Variants in COG6 observed in about 807,000 individuals in gnomAD.
COG6 encodes the protein conserved oligomeric Golgi complex subunit 6.
A neutral mutation model predicts 88.8 loss-of-function variants in COG6; 74 were observed. The observed-to-expected ratio is 0.83, with a 90% confidence interval of 0.69 to 1.01. The LOEUF (loss-of-function observed/expected upper bound fraction) is 1.01, where lower values mean the gene tolerates loss of function less well. Among genes scored for constraint, COG6 ranks in the 50% least tolerant of loss-of-function variants. The pLI, the probability that COG6 is intolerant of heterozygous loss-of-function variation, is 0.00. For synonymous variants in COG6, 286 were observed against 278.7 expected (o/e 1.03, Z -0.26); for missense variants, 800 against 797.9 (o/e 1.00, Z -0.03).
At chr13:39,768,741 T>C (rs2138174044) in intron 18 of COG6, among the ~76,000 whole-genome samples, 1 of 151,942 alleles carries the variant, frequency 6.6e-6, no homozygotes, top group Non-Finnish European at 1.5e-5. Context: ...ATGATACTAT[T>C]ATATATCATA....
intron 18 of COG6, among the ~76,000 whole-genome samples, chr13:39,745,028 GGC>G (rs1270577474): frequency 6.6e-5 from 10 of 152,154 alleles, no homozygotes; most frequent in Non-Finnish European, 1.5e-4. Flanking sequence ...TGGGAAAACT[GGC>G]TAGCCAAATG....
At chr13:39,785,866 T>G (rs2138193098) in intron 18 of COG6, among the ~76,000 whole-genome samples, 1 of 151,878 alleles carries the variant, frequency 6.6e-6, no homozygotes, top group South Asian at 2.1e-4. Context: ...GGGTTAAGAG[T>G]ACTTGGAGGA....
intron 13 of COG6, among the ~76,000 whole-genome samples, chr13:39,707,014 G>C (rs2138050559): frequency 6.6e-6 from 1 of 151,872 alleles, no homozygotes; most frequent in East Asian, 1.9e-4. Flanking sequence ...AAATTTTTCT[G>C]TATACTTCAA....
chr13:39,704,912 A>C (rs917965623), intron 13 of COG6, among the ~76,000 whole-genome samples: 2 of 152,088 alleles, frequency 1.3e-5, no homozygotes, highest in Non-Finnish European at 2.9e-5. Context: ...AGTTATTTTT[A>C]CATTAGATTG....
At chr13:39,738,267 C>T (rs189552149) in intron 18 of COG6, among the ~76,000 whole-genome samples, 33 of 152,020 alleles carry the variant, frequency 2.2e-4, no homozygotes, top group African/African-American at 7.2e-4. Context: ...ATAAAACATA[C>T]GACAACAAAA....
intron 5 of COG6, among the ~76,000 whole-genome samples, chr13:39,678,742 T>C (rs1876122912): frequency 6.6e-6 from 1 of 152,088 alleles, no homozygotes; most frequent in Non-Finnish European, 1.5e-5. Flanking sequence ...GGTATCACTT[T>C]TACTGGCTTG....
chr13:39,702,323 C>A (rs749464026), intron 13 of COG6, among the ~76,000 whole-genome samples: 13 of 151,598 alleles, frequency 8.6e-5, no homozygotes, highest in African/African-American at 2.4e-4. Flanking sequence ...AGTATAACAC[C>A]GACATAAAAC....
intron 13 of COG6, among the ~76,000 whole-genome samples, chr13:39,700,136 G>A (rs747602761): frequency 6.6e-6 from 1 of 151,772 alleles, no homozygotes; most frequent in Non-Finnish European, 1.5e-5. Context: ...ATCTTAAATT[G>A]AGCAGGGTAT....
chr13:39,674,749 G>A (rs1875858035), intron 4 of COG6, among the ~76,000 whole-genome samples: 2 of 152,102 alleles, frequency 1.3e-5, no homozygotes, highest in African/African-American at 4.8e-5. Context: ...CTCCCACTTT[G>A]GTGGGACATC....
chr13:39,737,147 C>A (rs1275259400), intron 18 of COG6, among the ~76,000 whole-genome samples: 1 of 152,086 alleles, frequency 6.6e-6, no homozygotes, highest in East Asian at 1.9e-4. Flanking sequence ...TTGTTCTCTT[C>A]CCTTACTTTC....
At position 39,751,154 on chromosome 13, in the gene COG6, T is replaced by C. The variant is rs886050230; in HGVS notation, c.*61T>C. The stretch of plus-strand genomic sequence containing the variant: ...CCCTAAAACACTGAAGGTTATTTTT[T>C]ATTCTTTGAATTTTTACTCTATAAT... On this transcript the variant is annotated 3_prime_UTR_variant, in exon 19 of 19. Coordinates refer to ENST00000455146, the MANE Select transcript of COG6 (RefSeq NM_020751.3). 2 of 1,595,096 alleles carry C rather than the reference T, an allele frequency of 1.3e-6. No individual in the cohort carries two copies. Among genetic ancestry groups the C allele is most frequent in the Non-Finnish European group, 1.7e-6 (2 of 1,169,188 alleles).
rs574639295 is a variant in COG6 at position 39,690,004 on chromosome 13, AAG to A, written c.1074+182_1074+183del. Among the ~76,000 whole-genome samples, 12 of 152,128 alleles carry A rather than the reference AAG, an allele frequency of 7.9e-5. No homozygotes were observed. The East Asian group carries it at 2.1e-3, about 27-fold the overall frequency. ...ATAATTGCCAGTTTTCTCTCTGAGA[AAG>A]AAAATTGGAAATATTTGTAGTTTGC... On this transcript the variant is annotated intron_variant, in intron 11 of 18. Coordinates refer to ENST00000455146, the MANE Select transcript of COG6 (RefSeq NM_020751.3).
intron 10 of COG6, among the ~76,000 whole-genome samples, chr13:39,688,568 A>C (rs1443201968): frequency 6.6e-6 from 1 of 152,288 alleles, no homozygotes; most frequent in African/African-American, 2.4e-5. Context: ...CAAGCCATTC[A>C]TGAGAGATGC....
At chr13:39,688,095 C>T (rs1396544737) in intron 10 of COG6, among the ~76,000 whole-genome samples, 2 of 152,308 alleles carry the variant, frequency 1.3e-5, no homozygotes, top group Admixed American at 1.3e-4. Flanking sequence ...ATTTAGCATA[C>T]ATTTTCTCAA....
At chr13:39,718,343 A>T (rs1878650121) in intron 13 of COG6, among the ~76,000 whole-genome samples, 2 of 152,102 alleles carry the variant, frequency 1.3e-5, no homozygotes, top group Non-Finnish European at 1.5e-5. Flanking sequence ...ACCTGCCACT[A>T]AGATGTAGTC....
chr13:39,695,973 T>G (rs529757141), intron 12 of COG6, among the ~76,000 whole-genome samples: 61 of 152,120 alleles, frequency 4.0e-4, no homozygotes, highest in African/African-American at 1.4e-3. Flanking sequence ...AATTGTTTAT[T>G]TAATAATGTC....
intron 18 of COG6, among the ~76,000 whole-genome samples, chr13:39,770,103 G>T (rs534625745): frequency 6.6e-6 from 1 of 152,278 alleles, no homozygotes; most frequent in Admixed American, 6.5e-5. Flanking sequence ...AATCAATATC[G>T]GGAAGTGAAA....
chr13:39,677,636 GA>G, intron 5 of COG6, 57 bp downstream of exon 5: 2 of 1,026,506 alleles, frequency 1.9e-6, no homozygotes, highest in Non-Finnish European at 2.9e-6. Flanking sequence ...ATATTAGAGA[GA>G]AATTGCTTTT....
chr13:39,741,829 A>G (rs995457209), intron 18 of COG6, among the ~76,000 whole-genome samples: 1 of 152,172 alleles, frequency 6.6e-6, no homozygotes, highest in Non-Finnish European at 1.5e-5. Flanking sequence ...GAAATGAAGG[A>G]AAAAATGTTA....
Sources: gnomAD v4.1 joint callset for allele counts (sites outside exome capture counted in the v4.1 genomes callset) on GRCh38, gnomAD v4.1.1 for gene constraint, MANE v1.5 for transcripts, NCBI Gene and HGNC (gene_info 2026-07-23, HGNC 2026-07-21) for gene names.